Variants in NSUN6 observed in about 807,000 individuals in gnomAD.
NSUN6 encodes the protein NOP2/Sun RNA methyltransferase 6.
A neutral mutation model predicts 58.0 loss-of-function variants in NSUN6; 64 were observed. That is an observed-to-expected ratio of 1.10 (90% CI 0.90 to 1.36). NSUN6 has a LOEUF of 1.36. NSUN6 is among the 40% of genes most tolerant of loss of function. NSUN6 has a pLI of 0.00. For missense variants in NSUN6, 701 were observed against 550.1 expected, an observed-to-expected ratio of 1.27 and a Z score of -2.74; for synonymous variants, 231 against 193.9, an observed-to-expected ratio of 1.19 and a Z score of -1.59.
At chr10:18,578,045 A>G (rs1325623251) in intron 8 of NSUN6, among the ~76,000 whole-genome samples, 1 of 152,158 alleles carries the variant, frequency 6.6e-6, no homozygotes, top group Non-Finnish European at 1.5e-5. Context: ...CCTTGCTGAG[A>G]AGTAAAAAAG....
intron 2 of NSUN6, among the ~76,000 whole-genome samples, chr10:18,642,939 T>C (rs2059431496): frequency 6.6e-6 from 1 of 152,208 alleles, no homozygotes; most frequent in East Asian, 1.9e-4. Flanking sequence ...CTACCTAATA[T>C]ACACAATCAA....
chr10:18,590,196 CAAG>C (rs1261808674), intron 7 of NSUN6, among the ~76,000 whole-genome samples: 2 of 152,096 alleles, frequency 1.3e-5, no homozygotes, highest in Non-Finnish European at 2.9e-5. Flanking sequence ...GTCAATGCAA[CAAG>C]AAGAGCTAAC....
intron 8 of NSUN6, among the ~76,000 whole-genome samples, chr10:18,557,471 G>A (rs1260300061): frequency 6.6e-6 from 1 of 150,698 alleles, no homozygotes; most frequent in Admixed American, 6.6e-5. Flanking sequence ...ATGGAATAGA[G>A]AATGGAATGG....
chr10:18,632,844 G>A (rs569092270), intron 3 of NSUN6, among the ~76,000 whole-genome samples: 1 of 152,320 alleles, frequency 6.6e-6, no homozygotes, highest in East Asian at 1.9e-4. Context: ...GGAAGTCAGT[G>A]CAGTGATTCC....
At chr10:18,647,074 C>T (rs774029074) in intron 2 of NSUN6, among the ~76,000 whole-genome samples, 6 of 152,118 alleles carry the variant, frequency 3.9e-5, no homozygotes, top group Non-Finnish European at 8.8e-5. Flanking sequence ...TGGTCTCATA[C>T]ACTGAGATGC....
At position 18,545,857 on chromosome 10, in the gene NSUN6, A is replaced by G; in HGVS notation, c.*76T>C. 1 of 596,182 alleles carries G rather than the reference A, an allele frequency of 1.7e-6. No individual in the cohort carries two copies. The highest frequency in any genetic ancestry group is 4.2e-5 in the East Asian group (1 of 23,800). The allele number at this position is 596,182 out of a possible 1,614,324, so 36.9% of individuals were successfully genotyped here. A position where few individuals can be genotyped will look rare whatever the true frequency, so the allele number is the denominator to read the frequency against. On this transcript the variant is annotated 3_prime_UTR_variant, in exon 11 of 11. Transcript: ENST00000377304. Reference sequence around the variant, plus strand: ...CACATCATCATTCAGTTGGCCTGACAACACTTTGGTTAAAAAAAAAAAAAC... The same window carrying G: ...CACATCATCATTCAGTTGGCCTGACGACACTTTGGTTAAAAAAAAAAAAAC...
intron 8 of NSUN6, among the ~76,000 whole-genome samples, chr10:18,564,712 T>C (rs1251801785): frequency 6.6e-6 from 1 of 151,130 alleles, no homozygotes; most frequent in Non-Finnish European, 1.5e-5. Context: ...TTACATTCCA[T>C]TCCATTCTCC....
intron 5 of NSUN6, among the ~76,000 whole-genome samples, chr10:18,613,674 G>A (rs888343592): frequency 5.3e-5 from 8 of 152,180 alleles, no homozygotes; most frequent in Non-Finnish European, 1.0e-4. Context: ...CATTTGGAAA[G>A]TGCTGCTACC....
intron 6 of NSUN6, among the ~76,000 whole-genome samples, chr10:18,604,461 G>C (rs986025757): frequency 6.6e-6 from 1 of 152,124 alleles, no homozygotes; most frequent in African/African-American, 2.4e-5. Flanking sequence ...AGTATGGCCC[G>C]CAAATCAGGG....
intron 8 of NSUN6, among the ~76,000 whole-genome samples, chr10:18,566,287 C>T (rs62648436): frequency 0.73 from 102,069 of 139,214 alleles, 36,797 homozygotes; most frequent in East Asian, 0.96. Context: ...CATTCTCCAT[C>T]CCATTCTATT....
intron 3 of NSUN6, among the ~76,000 whole-genome samples, chr10:18,628,386 T>A (rs1454245577): frequency 6.6e-6 from 1 of 152,050 alleles, no homozygotes. Flanking sequence ...TCACCAGCAA[T>A]GGAACAAAGC....
At chr10:18,656,822 T>C (rs1487407064), upstream of NSUN6, among the ~76,000 whole-genome samples, 24 of 54,680 alleles carry the variant, frequency 4.4e-4, no homozygotes, top group African/African-American at 1.5e-3. Flanking sequence ...AATCCTTTTT[T>C]TTTTTTTTTT....
intron 6 of NSUN6, among the ~76,000 whole-genome samples, chr10:18,604,897 T>TC (rs2057991511): frequency 6.7e-6 from 1 of 149,624 alleles, no homozygotes; most frequent in South Asian, 2.1e-4. Context: ...TTTTTTTTTT[T>TC]CTTTTTGAGA....
chr10:18,632,954 C>A (rs1317926145), intron 3 of NSUN6, among the ~76,000 whole-genome samples: 3 of 152,092 alleles, frequency 2.0e-5, no homozygotes, highest in Non-Finnish European at 4.4e-5. Flanking sequence ...GACACGTGCA[C>A]CCGTATGTTT....
chr10:18,632,038 T>G (rs1212955036), intron 3 of NSUN6, among the ~76,000 whole-genome samples: 1 of 150,776 alleles, frequency 6.6e-6, no homozygotes, highest in African/African-American at 2.4e-5. Flanking sequence ...AACAGCATGG[T>G]ACTGGTACCA....
At chr10:18,565,160 T>C (rs1332589575) in intron 8 of NSUN6, among the ~76,000 whole-genome samples, 1 of 150,504 alleles carries the variant, frequency 6.6e-6, no homozygotes, top group Non-Finnish European at 1.5e-5. Flanking sequence ...ATTCTCCATT[T>C]CATTCCCTTT....
chr10:18,570,709 T>TCC, intron 8 of NSUN6, among the ~76,000 whole-genome samples: 1 of 95,142 alleles, frequency 1.1e-5, no homozygotes, highest in African/African-American at 4.0e-5. Context: ...TTCCATTCTC[T>TCC]ATTCCATTCC....
chr10:18,600,941 A>AAAAAAAAATATATAT (rs1487679670), intron 6 of NSUN6, among the ~76,000 whole-genome samples: 1 of 43,532 alleles, frequency 2.3e-5, no homozygotes, highest in African/African-American at 8.0e-5. Context: ...AAAAAAAAAA[A>AAAAAAAAATATATAT]ATATATATAT....
At chr10:18,655,150 C>T, upstream of NSUN6, 1 of 983,566 alleles carries the variant, frequency 1.0e-6, no homozygotes. Context: ...TCCCTCGCTG[C>T]TTTATCTTGC....
Sources: gnomAD v4.1 joint callset for allele counts (sites outside exome capture counted in the v4.1 genomes callset) on GRCh38, gnomAD v4.1.1 for gene constraint, MANE v1.5 for transcripts, NCBI Gene and HGNC (gene_info 2026-07-23, HGNC 2026-07-21) for gene names.